The following ZFPM2 variants were observed in gnomAD, a reference collection of about 807,000 sequenced individuals.
ZFPM2 encodes the protein zinc finger protein ZFPM2.
A neutral mutation model predicts 98.6 loss-of-function variants in ZFPM2; 20 were observed. That is an observed-to-expected ratio of 0.20 (90% CI 0.14 to 0.29). ZFPM2 has a LOEUF of 0.29. Among genes scored for constraint, ZFPM2 ranks in the 10% least tolerant of loss-of-function variants. ZFPM2 has a pLI of 1.00. For missense variants in ZFPM2, 1,310 were observed against 1,388.6 expected (o/e 0.94, Z 0.90); for synonymous variants, 518 against 502.7 (o/e 1.03, Z -0.41).
chr8:105,713,564 T>C (rs1811452177), intron 5 of ZFPM2, among the ~76,000 whole-genome samples: 1 of 152,136 alleles, frequency 6.6e-6, no homozygotes, highest in African/African-American at 2.4e-5. Context: ...GCAAGAACTT[T>C]TGAGGACTTA....
At chr8:105,791,347 T>A (rs959818440) in intron 6 of ZFPM2, among the ~76,000 whole-genome samples, 1 of 152,202 alleles carries the variant, frequency 6.6e-6, no homozygotes, top group African/African-American at 2.4e-5. Flanking sequence ...ATTGAGATAA[T>A]CATGTGGTTT....
At chr8:105,549,272 A>G (rs1428253744) in intron 3 of ZFPM2, among the ~76,000 whole-genome samples, 2 of 152,158 alleles carry the variant, frequency 1.3e-5, no homozygotes, top group Non-Finnish European at 2.9e-5. Flanking sequence ...TATATGGAAC[A>G]TATTTATAGT....
At chr8:105,418,892 G>C (rs1811736678) in intron 1 of ZFPM2, 1 of 573,132 alleles carries the variant, frequency 1.7e-6, no homozygotes, top group Non-Finnish European at 3.2e-6. Context: ...GGTTGGGGGT[G>C]GGGACGCAAT....
chr8:105,624,064 A>C (rs1268249885), intron 4 of ZFPM2, among the ~76,000 whole-genome samples: 2 of 152,092 alleles, frequency 1.3e-5, no homozygotes, highest in Admixed American at 6.6e-5. Context: ...ATCGTTATGA[A>C]ACTGTAGTAC....
intron 1 of ZFPM2, among the ~76,000 whole-genome samples, chr8:105,361,819 A>T (rs1248846980): frequency 6.6e-6 from 1 of 152,092 alleles, no homozygotes; most frequent in African/African-American, 2.4e-5. Flanking sequence ...TAATATTACC[A>T]TATTTTTACT....
chr8:105,436,998 T>C (rs1234150721), intron 2 of ZFPM2, among the ~76,000 whole-genome samples: 3 of 152,218 alleles, frequency 2.0e-5, no homozygotes, highest in African/African-American at 7.2e-5. Flanking sequence ...TTCTGTTTTC[T>C]ACATCCAAAT....
chr8:105,592,311 G>C (rs1043252518), intron 4 of ZFPM2, among the ~76,000 whole-genome samples: 5 of 151,892 alleles, frequency 3.3e-5, no homozygotes, highest in Admixed American at 3.3e-4. Context: ...ATTAAGAATT[G>C]AAAAATCATC....
intron 3 of ZFPM2, among the ~76,000 whole-genome samples, chr8:105,450,649 A>G (rs1353925537): frequency 2.6e-5 from 4 of 151,972 alleles, no homozygotes; most frequent in Non-Finnish European, 5.9e-5. Context: ...ATGAACCATC[A>G]TTTTATCTCA....
At chr8:105,539,371 A>G (rs1380979322) in intron 3 of ZFPM2, among the ~76,000 whole-genome samples, 1 of 152,222 alleles carries the variant, frequency 6.6e-6, no homozygotes, top group Admixed American at 6.5e-5. Flanking sequence ...ATTGCTGAGT[A>G]TAGACATATC....
At chr8:105,453,395 A>C (rs1188480619) in intron 3 of ZFPM2, among the ~76,000 whole-genome samples, 1 of 152,234 alleles carries the variant, frequency 6.6e-6, no homozygotes, top group East Asian at 1.9e-4. Context: ...GGGCCAGCCC[A>C]GTCTGGTAGA....
intron 1 of ZFPM2, among the ~76,000 whole-genome samples, chr8:105,332,245 C>A (rs1295585564): frequency 6.6e-6 from 1 of 151,738 alleles, no homozygotes; most frequent in Non-Finnish European, 1.5e-5. Flanking sequence ...CTCTCCAGCC[C>A]ATAACTTACG....
At chr8:105,386,868 C>A (rs974477352) in intron 1 of ZFPM2, among the ~76,000 whole-genome samples, 10 of 151,914 alleles carry the variant, frequency 6.6e-5, no homozygotes, top group African/African-American at 2.4e-4. Context: ...CTCCACGTAC[C>A]CACTAGATTA....
chr8:105,731,012 C>A (rs1323009463), intron 5 of ZFPM2, among the ~76,000 whole-genome samples: 1 of 151,544 alleles, frequency 6.6e-6, no homozygotes, highest in East Asian at 2.0e-4. Context: ...CTTATCTTGA[C>A]TACTGGTTAG....
intron 5 of ZFPM2, among the ~76,000 whole-genome samples, chr8:105,692,088 A>T (rs1810898738): frequency 6.6e-6 from 1 of 152,212 alleles, no homozygotes; most frequent in East Asian, 1.9e-4. Context: ...AAGAAACAGA[A>T]TCATGAATCT....
At chr8:105,663,161 C>G (rs574241968) in intron 5 of ZFPM2, among the ~76,000 whole-genome samples, 1 of 152,164 alleles carries the variant, frequency 6.6e-6, no homozygotes, top group Non-Finnish European at 1.5e-5. Context: ...ATCTCCAGCA[C>G]TAGGCACTGG....
At chr8:105,323,754 A>G (rs1812069583) in intron 1 of ZFPM2, among the ~76,000 whole-genome samples, 1 of 151,946 alleles carries the variant, frequency 6.6e-6, no homozygotes, top group African/African-American at 2.4e-5. Context: ...ATCATTAGTC[A>G]TGAAGTTAGG....
chr8:105,448,643 C>T (rs1481026), intron 3 of ZFPM2, among the ~76,000 whole-genome samples: 38,529 of 151,768 alleles, frequency 0.25, 5,132 homozygotes, highest in Admixed American at 0.32. Flanking sequence ...AACTACAGAA[C>T]GAAGTGTACA....
intron 5 of ZFPM2, among the ~76,000 whole-genome samples, chr8:105,696,268 G>A (rs545824485): frequency 4.6e-5 from 7 of 152,216 alleles, no homozygotes; most frequent in South Asian, 2.1e-4. Context: ...GCAGTGAGGC[G>A]GAGAAATTGC....
intron 1 of ZFPM2, among the ~76,000 whole-genome samples, chr8:105,383,015 G>A (rs945409390): frequency 6.6e-6 from 1 of 151,990 alleles, no homozygotes; most frequent in African/African-American, 2.4e-5. Flanking sequence ...TAAATGAATA[G>A]GTATTTGATG....
Sources: gnomAD v4.1 joint callset for allele counts (sites outside exome capture counted in the v4.1 genomes callset) on GRCh38, gnomAD v4.1.1 for gene constraint, MANE v1.5 for transcripts, NCBI Gene and HGNC (gene_info 2026-07-23, HGNC 2026-07-21) for gene names.